DCUN1D1: variants seen among roughly 807,000 people sequenced by gnomAD.
The protein encoded by DCUN1D1 is DCN1-like protein 1.
In DCUN1D1, 3 loss-of-function variants were observed where a neutral mutation model predicts 39.0. That is an observed-to-expected ratio of 0.08 (90% CI 0.04 to 0.20). The LOEUF is 0.20. Ranked by LOEUF, DCUN1D1 falls within the 10% of genes least tolerant of loss-of-function variation. The pLI is 1.00. For missense variants in DCUN1D1, 158 were observed against 302.4 expected, an observed-to-expected ratio of 0.52 and a Z score of 3.54; for synonymous variants, 82 against 96.3, an observed-to-expected ratio of 0.85 and a Z score of 0.87.
intron 1 of DCUN1D1, among the ~76,000 whole-genome samples, chr3:182,977,885 C>A (rs1728320667): frequency 6.6e-6 from 1 of 151,534 alleles, no homozygotes; most frequent in East Asian, 2.0e-4. Flanking sequence ...ACTAAAAATA[C>A]AAAAATCAGC....
At chr3:182,954,270 C>T (rs965241622) in intron 4 of DCUN1D1, among the ~76,000 whole-genome samples, 9 of 152,184 alleles carry the variant, frequency 5.9e-5, no homozygotes, top group Non-Finnish European at 1.2e-4. Flanking sequence ...GTGAAGAATA[C>T]GCAAAAGTTC....
upstream of DCUN1D1, chr3:182,980,792 C>T (rs1252541903): frequency 1.3e-5 from 2 of 155,664 alleles, no homozygotes; most frequent in Non-Finnish European, 2.8e-5. Flanking sequence ...ATCCTCCTGC[C>T]GCGCCGGGCG....
chr3:182,941,538 T>A lies in DCUN1D1; in HGVS notation c.*3556A>T, dbSNP rs993469000. The A allele has an allele frequency of 1.3e-5, 2 of 152,120 alleles. No homozygotes were observed. Among genetic ancestry groups the A allele is most frequent in the Non-Finnish European group, 2.9e-5 (2 of 67,958 alleles). The allele number at this position is 152,120 out of a possible 1,614,324, so 9.4% of individuals were successfully genotyped here. A position where few individuals can be genotyped will look rare whatever the true frequency, so the allele number is the denominator to read the frequency against. On this transcript the variant is annotated 3_prime_UTR_variant, in exon 7 of 7. Coordinates refer to ENST00000292782, the MANE Select transcript of DCUN1D1 (RefSeq NM_020640.4). ...TCACAATTCAGGTTTTGTGTCCCCA[T>A]TTATATGTTAAATAGTTCACATTTA...
intron 1 of DCUN1D1, among the ~76,000 whole-genome samples, chr3:182,967,120 CA>C (rs1276597581): frequency 1.9e-5 from 2 of 107,902 alleles, no homozygotes; most frequent in Admixed American, 2.1e-4. Context: ...AACAAACAAA[CA>C]AAAAAACTAT....
chr3:182,968,920 G>A (rs1469333242), intron 1 of DCUN1D1, among the ~76,000 whole-genome samples: 5 of 152,072 alleles, frequency 3.3e-5, no homozygotes, highest in Admixed American at 3.3e-4. Flanking sequence ...TATTTTAACT[G>A]GTTTGGTATA....
rs377022273 is a variant in DCUN1D1, at chr3:182,949,826, G to A, written c.521-2194C>T. Among the ~76,000 whole-genome samples the A allele has an allele frequency of 1.5e-3, 221 of 152,252 alleles. 1 individual carries two copies. The highest frequency in any genetic ancestry group is 5.3e-3 in the African/African-American group (219 of 41,574). On this transcript the variant is annotated intron_variant, in intron 4 of 6. Transcript: ENST00000292782. Reference sequence around the variant, plus strand: ...CTGACCCTTAACTTTCTTCAATGATGGAGACTACATATTCCTCAACTAGCA... The same window carrying A: ...CTGACCCTTAACTTTCTTCAATGATAGAGACTACATATTCCTCAACTAGCA...
intron 1 of DCUN1D1, among the ~76,000 whole-genome samples, chr3:182,971,348 T>C (rs1225411154): frequency 1.3e-5 from 2 of 152,076 alleles, no homozygotes; most frequent in African/African-American, 2.4e-5. Context: ...GAGGAACACT[T>C]GAGCTCAGGA....
chr3:182,983,681 TG>T, upstream of DCUN1D1, among the ~76,000 whole-genome samples: 1 of 151,780 alleles, frequency 6.6e-6, no homozygotes, highest in South Asian at 2.1e-4. Context: ...CACTCCAGCC[TG>T]GGCAAGAAGA....
upstream of DCUN1D1, among the ~76,000 whole-genome samples, chr3:182,981,626 C>T (rs989949098): frequency 2.6e-5 from 4 of 152,216 alleles, no homozygotes; most frequent in Non-Finnish European, 4.4e-5. Flanking sequence ...AGCTTACCTA[C>T]GTTTCAGAAC....
At chr3:182,964,131 C>T (rs1246308643) in intron 2 of DCUN1D1, 82 bp from the exon 3 acceptor site, 3 of 1,186,494 alleles carry the variant, frequency 2.5e-6, no homozygotes, top group African/African-American at 3.0e-5. Context: ...GCTTTATATG[C>T]CATTTTTTAA....
intron 4 of DCUN1D1, among the ~76,000 whole-genome samples, chr3:182,951,468 C>A (rs1488311175): frequency 6.6e-6 from 1 of 151,090 alleles, no homozygotes; most frequent in African/African-American, 2.4e-5. Flanking sequence ...TCAAAAAAAC[C>A]AGCCGAGCAT....
At chr3:182,980,083 C>G (rs1728455926) in intron 1 of DCUN1D1, 1 of 914,182 alleles carries the variant, frequency 1.1e-6, no homozygotes, top group Non-Finnish European at 1.3e-6. Flanking sequence ...CACCCGGAAC[C>G]CCAGACCCCA....
chr3:182,947,108 A>C (rs1190573425), intron 6 of DCUN1D1, 130 bp downstream of exon 6: 1 of 597,224 alleles, frequency 1.7e-6, no homozygotes, highest in Non-Finnish European at 2.9e-6. Flanking sequence ...TCTCAAAAAA[A>C]ACAAAAACAA....
At chr3:182,945,713 C>A (rs533457079) in intron 6 of DCUN1D1, among the ~76,000 whole-genome samples, 2 of 152,156 alleles carry the variant, frequency 1.3e-5, no homozygotes, top group African/African-American at 4.8e-5. Context: ...CATTCTGTGG[C>A]CATCTCACAA....
intron 4 of DCUN1D1, among the ~76,000 whole-genome samples, chr3:182,958,056 G>T (rs1005392228): frequency 4.7e-5 from 7 of 149,290 alleles, no homozygotes; most frequent in Non-Finnish European, 1.0e-4. Flanking sequence ...AATTTGTTTT[G>T]GGCCTTACCT....
chr3:182,969,092 G>A (rs527369717), intron 1 of DCUN1D1, among the ~76,000 whole-genome samples: 140 of 152,254 alleles, frequency 9.2e-4, no homozygotes, highest in African/African-American at 3.0e-3. Flanking sequence ...TATAAAGTCT[G>A]ATAAGTACCC....
At chr3:182,956,134 G>A (rs751810444) in intron 4 of DCUN1D1, 5 of 197,256 alleles carry the variant, frequency 2.5e-5, no homozygotes, top group Non-Finnish European at 4.3e-5. Context: ...CACCATGTTG[G>A]TAAGGCCGGT....
At chr3:182,957,398 G>T (rs752694771) in intron 4 of DCUN1D1, among the ~76,000 whole-genome samples, 33 of 152,304 alleles carry the variant, frequency 2.2e-4, no homozygotes, top group African/African-American at 7.7e-4. Context: ...AGGCCAAGGC[G>T]GGGTGATCAC....
upstream of DCUN1D1, among the ~76,000 whole-genome samples, chr3:182,981,352 A>G (rs1224068093): frequency 6.6e-6 from 1 of 152,182 alleles, no homozygotes; most frequent in Non-Finnish European, 1.5e-5. Context: ...CTGAGGGTCT[A>G]GTCACGCAGG....
Sources: allele counts gnomAD v4.1 joint callset (sites outside exome capture counted in the v4.1 genomes callset), GRCh38; gene constraint gnomAD v4.1.1; transcripts MANE v1.5; gene names NCBI Gene and HGNC (gene_info 2026-07-23, HGNC 2026-07-21).